Variants in ERC2 observed in about 807,000 individuals in gnomAD.
ERC2 encodes the protein ELKS/RAB6-interacting/CAST family member 2, also known as ERC protein 2.
A neutral mutation model predicts 114.8 loss-of-function variants in ERC2; 42 were observed. The observed-to-expected ratio is 0.37, with a 90% CI of 0.29 to 0.47. ERC2 has a LOEUF of 0.47. Among genes scored for constraint, ERC2 ranks in the 20% least tolerant of loss-of-function variants. The probability of loss-of-function intolerance (pLI) is 0.99; values close to 1 mark genes in which losing one functional copy is unlikely to be tolerated. For missense variants in ERC2, 939 were observed against 1,150.7 expected (o/e 0.82, Z 2.66); for synonymous variants, 454 against 425.5 (o/e 1.07, Z -0.82).
chr3:55,923,503 A>G (rs1265833044), intron 13 of ERC2, among the ~76,000 whole-genome samples: 1 of 152,146 alleles, frequency 6.6e-6, no homozygotes, highest in Admixed American at 6.6e-5. Context: ...GGTAAATGTT[A>G]TGTTATATAT....
intron 6 of ERC2, among the ~76,000 whole-genome samples, chr3:56,115,082 G>A (rs2079153540): frequency 6.6e-6 from 1 of 152,100 alleles, no homozygotes; most frequent in African/African-American, 2.4e-5. Flanking sequence ...ATCAGCTGGT[G>A]CCACTAAGAC....
At chr3:55,967,692 G>A (rs9881130) in intron 12 of ERC2, among the ~76,000 whole-genome samples, 3 of 152,062 alleles carry the variant, frequency 2.0e-5, no homozygotes, top group South Asian at 2.1e-4. Flanking sequence ...AAACTTGATC[G>A]CCTATGCAGC....
chr3:56,319,691 C>T (rs1379656921), intron 2 of ERC2, among the ~76,000 whole-genome samples: 1 of 152,050 alleles, frequency 6.6e-6, no homozygotes, highest in East Asian at 1.9e-4. Context: ...CAAACACAAG[C>T]CAGGTGCCGT....
intron 13 of ERC2, among the ~76,000 whole-genome samples, chr3:55,923,884 C>T (rs559331504): frequency 3.9e-5 from 6 of 152,134 alleles, no homozygotes; most frequent in Non-Finnish European, 4.4e-5. Flanking sequence ...TCTTTCCCAA[C>T]ATAGGGTTAA....
intron 13 of ERC2, among the ~76,000 whole-genome samples, chr3:55,924,438 G>C (rs570939514): frequency 1.3e-5 from 2 of 152,236 alleles, no homozygotes; most frequent in East Asian, 3.9e-4. Flanking sequence ...TGGCCAACCA[G>C]TGTTCTAGAT....
chr3:55,726,242 G>A (rs2064908361), intron 15 of ERC2, among the ~76,000 whole-genome samples: 1 of 152,170 alleles, frequency 6.6e-6, no homozygotes, highest in Admixed American at 6.5e-5. Context: ...TTACAATGCT[G>A]GGATCAAATC....
intron 13 of ERC2, among the ~76,000 whole-genome samples, chr3:55,901,140 G>C (rs2064113278): frequency 6.6e-6 from 1 of 152,218 alleles, no homozygotes; most frequent in African/African-American, 2.4e-5. Context: ...ACATAAATTA[G>C]TGATGGATCT....
At chr3:55,992,874 C>T (rs1313363331) in intron 10 of ERC2, among the ~76,000 whole-genome samples, 1 of 152,070 alleles carries the variant, frequency 6.6e-6, no homozygotes, top group Non-Finnish European at 1.5e-5. Context: ...TAAATTTAAC[C>T]TAAACCAGGA....
intron 3 of ERC2, among the ~76,000 whole-genome samples, chr3:56,212,437 C>CA (rs1233084731): frequency 6.6e-6 from 1 of 151,920 alleles, no homozygotes; most frequent in South Asian, 2.1e-4. Flanking sequence ...TGACCATAAT[C>CA]AAAAAATCAA....
At chr3:56,033,028 A>AAAAG (rs35715100) in intron 7 of ERC2, among the ~76,000 whole-genome samples, 2 of 61,760 alleles carry the variant, frequency 3.2e-5, no homozygotes, top group African/African-American at 4.9e-5. Context: ...AGAAAAAAGA[A>AAAAG]ACAGAAAGAA....
intron 2 of ERC2, among the ~76,000 whole-genome samples, chr3:56,394,922 A>G (rs922083741): frequency 6.6e-6 from 1 of 152,188 alleles, no homozygotes; most frequent in Non-Finnish European, 1.5e-5. Flanking sequence ...ATGTCCATCA[A>G]CTGATAAATG....
chr3:56,192,781 G>T (rs2150073283), intron 3 of ERC2, among the ~76,000 whole-genome samples: 1 of 152,230 alleles, frequency 6.6e-6, no homozygotes, highest in East Asian at 1.9e-4. Context: ...TGAAGAAGGT[G>T]ACCCATTGGC....
intron 2 of ERC2, among the ~76,000 whole-genome samples, chr3:56,395,820 GA>G (rs1199699130): frequency 7.9e-5 from 12 of 152,136 alleles, no homozygotes. Context: ...AGGGAAACTG[GA>G]GTTTCTTGTG....
intron 17 of ERC2, among the ~76,000 whole-genome samples, chr3:55,521,864 G>C (rs2052968369): frequency 6.6e-6 from 1 of 152,164 alleles, no homozygotes; most frequent in Non-Finnish European, 1.5e-5. Flanking sequence ...GGCCTGGGTC[G>C]GTTGTGGTCA....
At chr3:56,061,175 A>G (rs919899064) in intron 7 of ERC2, among the ~76,000 whole-genome samples, 1 of 152,204 alleles carries the variant, frequency 6.6e-6, no homozygotes. Context: ...CACATAAATA[A>G]TAACAGGATC....
chr3:55,947,478 C>T (rs1024726324), intron 13 of ERC2, among the ~76,000 whole-genome samples: 1 of 152,158 alleles, frequency 6.6e-6, no homozygotes, highest in Non-Finnish European at 1.5e-5. Flanking sequence ...TGGTCATGTG[C>T]TTTGCTTTGG....
chr3:55,582,041 T>C (rs1240548431), intron 17 of ERC2, among the ~76,000 whole-genome samples: 1 of 152,208 alleles, frequency 6.6e-6, no homozygotes, highest in African/African-American at 2.4e-5. Flanking sequence ...CTGGCCTCTG[T>C]ACAAGCTGTT....
chr3:56,157,300 A>G (rs2171073), intron 4 of ERC2, among the ~76,000 whole-genome samples: 132,677 of 152,166 alleles, frequency 0.87, 58,371 homozygotes, highest in East Asian at 0.98. Flanking sequence ...CAAAAGAAAA[A>G]AGTAAAGAGG....
At position 55,912,314 on chromosome 3, in the gene ERC2, T is replaced by C. The variant is rs553258733; in HGVS notation, c.2404-23765A>G. On this transcript the variant is annotated intron_variant, in intron 13 of 17. Coordinates refer to ENST00000288221, the MANE Select transcript of ERC2 (RefSeq NM_015576.3). ...CGAGTGAGAAAGATAATGATGACCA[T>C]GGAGGTTGCCAACAGATATTAAATC... Among the ~76,000 whole-genome samples, 3 of 152,144 alleles carry C rather than the reference T, an allele frequency of 2.0e-5. No homozygotes were observed. The South Asian group carries it at 6.2e-4, about 32-fold the overall frequency.
Sources: allele counts gnomAD v4.1 joint callset (sites outside exome capture counted in the v4.1 genomes callset), GRCh38; gene constraint gnomAD v4.1.1; transcripts MANE v1.5; gene names NCBI Gene and HGNC (gene_info 2026-07-23, HGNC 2026-07-21).